The following NEBL variants were observed in gnomAD, a reference collection of about 807,000 sequenced individuals.
NEBL encodes the protein nebulette.
NEBL carries 122 observed loss-of-function variants against 140.2 expected under a neutral mutation model. The observed-to-expected ratio is 0.87, with a 90% confidence interval of 0.75 to 1.01. The LOEUF (loss-of-function observed/expected upper bound fraction) is 1.01, where lower values mean the gene tolerates loss of function less well. Ranked by LOEUF, NEBL falls within the 50% of genes least tolerant of loss-of-function variation. The probability of loss-of-function intolerance (pLI) is 0.00; values close to 1 mark genes in which losing one functional copy is unlikely to be tolerated. For missense variants in NEBL, 1,365 were observed against 1,231.3 expected, an observed-to-expected ratio of 1.11 and a Z score of -1.62; for synonymous variants, 436 against 398.9, an observed-to-expected ratio of 1.09 and a Z score of -1.11.
At chr10:21,144,887 T>C (rs896217122) in intron 2 of NEBL, among the ~76,000 whole-genome samples, 2 of 147,720 alleles carry the variant, frequency 1.4e-5, no homozygotes. Context: ...CTCCTCTCAA[T>C]GAAAAAGTAT....
intron 3 of NEBL, among the ~76,000 whole-genome samples, chr10:21,009,484 T>C (rs1163125940): frequency 6.6e-6 from 1 of 152,206 alleles, no homozygotes; most frequent in East Asian, 1.9e-4. Context: ...TGTGTTGCCT[T>C]AATTTCTGAT....
chr10:20,947,187 T>C (rs1044726683), intron 4 of NEBL, among the ~76,000 whole-genome samples: 2 of 152,172 alleles, frequency 1.3e-5, no homozygotes, highest in African/African-American at 4.8e-5. Context: ...CAAAGAGTCA[T>C]ATGTCGAAAA....
intron 3 of NEBL, among the ~76,000 whole-genome samples, chr10:21,205,591 C>T: frequency 6.6e-6 from 1 of 152,168 alleles, no homozygotes; most frequent in Admixed American, 6.5e-5. Flanking sequence ...AAACTTATTA[C>T]ATCTTGGACA....
At chr10:21,006,769 C>T (rs1440478028) in intron 3 of NEBL, among the ~76,000 whole-genome samples, 1 of 152,174 alleles carries the variant, frequency 6.6e-6, no homozygotes, top group African/African-American at 2.4e-5. Flanking sequence ...TTGTTTACGA[C>T]ATGATTTAAT....
intron 3 of NEBL, among the ~76,000 whole-genome samples, chr10:20,972,782 G>A (rs1219934854): frequency 6.6e-6 from 1 of 151,908 alleles, no homozygotes; most frequent in Admixed American, 6.6e-5. Context: ...AAATGTAAAT[G>A]CATTATACTT....
At chr10:21,125,410 G>T (rs544583140) in intron 2 of NEBL, among the ~76,000 whole-genome samples, 24 of 152,276 alleles carry the variant, frequency 1.6e-4, no homozygotes, top group South Asian at 6.2e-4. Context: ...TTAAATTGGG[G>T]GTTGGGGAGA....
chr10:20,843,196 T>A (rs1399965396), intron 12 of NEBL, among the ~76,000 whole-genome samples: 1 of 151,996 alleles, frequency 6.6e-6, no homozygotes, highest in Non-Finnish European at 1.5e-5. Flanking sequence ...ATCCCTCTAC[T>A]GAAGTCACAG....
chr10:21,056,145 G>A (rs1247135520), intron 2 of NEBL, among the ~76,000 whole-genome samples: 2 of 152,188 alleles, frequency 1.3e-5, no homozygotes, highest in Admixed American at 1.3e-4. Flanking sequence ...ATGATTATCT[G>A]CTTTTAACGG....
chr10:20,927,111 G>T (rs547295951), intron 4 of NEBL, among the ~76,000 whole-genome samples: 36 of 152,290 alleles, frequency 2.4e-4, no homozygotes, highest in African/African-American at 6.5e-4. Flanking sequence ...AAGCTCAGGA[G>T]CGGAGGATAA....
intron 5 of NEBL, among the ~76,000 whole-genome samples, chr10:20,873,278 C>T (rs1845161255): frequency 6.6e-6 from 1 of 152,132 alleles, no homozygotes; most frequent in Non-Finnish European, 1.5e-5. Context: ...GTGGACTGGC[C>T]TTCACTCTTC....
At chr10:21,150,673 G>A (rs748248752) in intron 2 of NEBL, among the ~76,000 whole-genome samples, 10 of 152,184 alleles carry the variant, frequency 6.6e-5, no homozygotes, top group Non-Finnish European at 1.0e-4. Context: ...ATCATTACAT[G>A]TTCCTAATTA....
chr10:21,013,956 T>C (rs553326578), intron 3 of NEBL, among the ~76,000 whole-genome samples: 1 of 152,096 alleles, frequency 6.6e-6, no homozygotes, highest in African/African-American at 2.4e-5. Flanking sequence ...GGAAATGGGA[T>C]CCGGAGCTGA....
chr10:21,272,754 T>C (rs1842874872), intron 1 of NEBL, among the ~76,000 whole-genome samples: 1 of 152,198 alleles, frequency 6.6e-6, no homozygotes, highest in Admixed American at 6.5e-5. Flanking sequence ...AATGAGATCA[T>C]TGGAGTGAAA....
chr10:20,891,888 T>C (rs1007373526), intron 2 of NEBL, among the ~76,000 whole-genome samples: 25 of 152,130 alleles, frequency 1.6e-4, no homozygotes, highest in South Asian at 4.1e-4. Flanking sequence ...TTTAAATACA[T>C]AAGGAATATT....
rs549519843 is a variant in NEBL at position 21,239,692 on chromosome 10, G to A, written n.348+8229C>T. Among the ~76,000 whole-genome samples the A allele has an allele frequency of 7.2e-5, 11 of 152,156 alleles. No individual in the cohort carries two copies. In the East Asian group the frequency reaches 7.7e-4, roughly 11 times the overall value. ...TGCAAATGTGATCTTAGCCAGCCTCGTCCAAACTCAGAACAGATTTTATTG... is the reference window on the plus strand; with the variant it reads ...TGCAAATGTGATCTTAGCCAGCCTCATCCAAACTCAGAACAGATTTTATTG... On this transcript the variant is annotated intron_variant and non_coding_transcript_variant, in intron 3 of 8. Coordinates refer to the NEBL transcript ENST00000675702.
At chr10:21,148,553 G>C (rs1840006642) in intron 2 of NEBL, among the ~76,000 whole-genome samples, 1 of 152,114 alleles carries the variant, frequency 6.6e-6, no homozygotes, top group Non-Finnish European at 1.5e-5. Context: ...TTTAGACAGA[G>C]TCTCACTCTG....
rs538923159 is a variant in NEBL, at chr10:21,260,208, G to A, written n.183-8380C>T. 1.3e-3 allele frequency among the ~76,000 whole-genome samples: 199 copies of A among 152,314 alleles called. 1 individual carries two copies. Among genetic ancestry groups the A allele is most frequent in the African/African-American group, 4.6e-3 (192 of 41,576 alleles). On this transcript the variant is annotated intron_variant and non_coding_transcript_variant, in intron 1 of 8. Transcript: ENST00000675702. The stretch of plus-strand genomic sequence containing the variant: ...AATGAAACAGCTCATCCGGGAATCC[G>A]GTCCAGACTTCTGCAGCCTCTAGCC...
chr10:20,851,264 G>A (rs1323859088), intron 10 of NEBL, among the ~76,000 whole-genome samples: 1 of 151,908 alleles, frequency 6.6e-6, no homozygotes, highest in East Asian at 1.9e-4. Flanking sequence ...TAAAATTTAT[G>A]TTTAATAATA....
chr10:21,226,077 C>T (rs1842142702), intron 3 of NEBL, among the ~76,000 whole-genome samples: 2 of 151,956 alleles, frequency 1.3e-5, no homozygotes, highest in Admixed American at 1.3e-4. Context: ...TTATCCAGGG[C>T]CCAAGGGCTC....
Sources: allele counts gnomAD v4.1 joint callset (sites outside exome capture counted in the v4.1 genomes callset), GRCh38; gene constraint gnomAD v4.1.1; transcripts MANE v1.5; gene names NCBI Gene and HGNC (gene_info 2026-07-23, HGNC 2026-07-21).